Variants in TBX19 observed in about 807,000 individuals in gnomAD.
TBX19 encodes the protein T-box transcription factor 19, also known as T-box transcription factor TBX19.
Under a neutral mutation model 40.9 loss-of-function variants are expected in TBX19, and 33 were observed. The ratio of observed to expected loss-of-function variants is 0.81; its 90% CI spans 0.61 to 1.08. The LOEUF (loss-of-function observed/expected upper bound fraction) is 1.08. TBX19 is among the 50% of genes least tolerant of loss of function. TBX19 has a pLI of 0.00. For missense variants in TBX19, 494 were observed against 574.0 expected, an observed-to-expected ratio of 0.86 and a Z score of 1.42; for synonymous variants, 220 against 225.0, an observed-to-expected ratio of 0.98 and a Z score of 0.20.
Position 168,298,127 on chromosome 1 carries a change from C to T in TBX19, c.665+342C>T, listed in dbSNP as rs942482705. On this transcript the variant is annotated intron_variant, in intron 4 of 7. Transcript: ENST00000367821. Reference sequence around the variant, plus strand: ...AGGAGAATGGCGTGAACCCGGGAGGCGGAGCTTGCAGTGAGCCGAGATGGC... The same window carrying T: ...AGGAGAATGGCGTGAACCCGGGAGGTGGAGCTTGCAGTGAGCCGAGATGGC... Among the ~76,000 whole-genome samples, 5 of 152,204 alleles carry T rather than the reference C, an allele frequency of 3.3e-5. No homozygotes were observed. In the East Asian group the frequency reaches 7.7e-4, roughly 24 times the overall value.
intron 6 of TBX19, 98 bp from the exon 7 acceptor site, chr1:168,308,644 C>T: frequency 6.7e-7 from 1 of 1,487,300 alleles, no homozygotes; most frequent in Non-Finnish European, 9.4e-7. Flanking sequence ...GCCTGTAGTG[C>T]AAGCCATGGT....
intron 1 of TBX19, among the ~76,000 whole-genome samples, chr1:168,285,458 A>T (rs1648781777): frequency 6.6e-6 from 1 of 152,228 alleles, no homozygotes; most frequent in Non-Finnish European, 1.5e-5. Context: ...TTCTTCTTGC[A>T]AACCTCACTT....
chr1:168,288,229 A>G (rs1221904334), intron 1 of TBX19, among the ~76,000 whole-genome samples: 1 of 152,242 alleles, frequency 6.6e-6, no homozygotes, highest in Non-Finnish European at 1.5e-5. Flanking sequence ...TGGATTATTT[A>G]CAATACGTAA....
At chr1:168,289,361 T>C (rs954425173) in intron 1 of TBX19, among the ~76,000 whole-genome samples, 2 of 152,202 alleles carry the variant, frequency 1.3e-5, no homozygotes, top group African/African-American at 4.8e-5. Context: ...ATAATCCTTC[T>C]ATTGAAGAAA....
chr1:168,308,972 G>T (rs1649466747), intron 7 of TBX19, 95 bp downstream of exon 7: 4 of 1,561,496 alleles, frequency 2.6e-6, no homozygotes, highest in Admixed American at 3.4e-5. Flanking sequence ...GGGTGGCTTG[G>T]TCTAACCTAT....
In TBX19 at chr1:168,286,421, T is replaced by G. The variant is rs1648806353; in HGVS notation, c.204-4739T>G. Reference sequence around the variant, plus strand: ...TCCTCTGGCAACCACTAATCTACTTTCTGTTTCTATAGAGTTACCTATTTC... The same window carrying G: ...TCCTCTGGCAACCACTAATCTACTTGCTGTTTCTATAGAGTTACCTATTTC... On this transcript the variant is annotated intron_variant, in intron 1 of 7. Transcript: ENST00000367821. Among the ~76,000 whole-genome samples, 4 of 152,248 alleles carry G rather than the reference T, an allele frequency of 2.6e-5. No individual in the cohort carries two copies. In the South Asian group the frequency reaches 8.3e-4, roughly 31 times the overall value.
chr1:168,288,789 C>A (rs1023492444), intron 1 of TBX19, among the ~76,000 whole-genome samples: 2 of 150,860 alleles, frequency 1.3e-5, no homozygotes, highest in African/African-American at 2.4e-5. Flanking sequence ...GAGACACAGT[C>A]TCACTCTATC....
In TBX19 at chr1:168,293,057, G is replaced by C. The variant is rs577059896; in HGVS notation, c.469-87G>C. On this transcript the variant is annotated intron_variant, in intron 2 of 7. Transcript: ENST00000367821. ...CCCTAACCGGGGTGGTGCTAAGCTT[G>C]GGACCAACTGGAGATGCTGGCTCCT... 939 of 1,594,432 alleles carry C rather than the reference G, an allele frequency of 5.9e-4. 14 individuals carry two copies. In the South Asian group the frequency reaches 9.9e-3, roughly 17 times the overall value.
At chr1:168,286,285 G>C (rs1327686831) in intron 1 of TBX19, among the ~76,000 whole-genome samples, 1 of 152,210 alleles carries the variant, frequency 6.6e-6, no homozygotes, top group Non-Finnish European at 1.5e-5. Context: ...CATTTGAAGT[G>C]TATAGTTCAG....
intron 2 of TBX19, among the ~76,000 whole-genome samples, chr1:168,292,810 G>A (rs1233274806): frequency 2.7e-5 from 4 of 148,200 alleles, no homozygotes; most frequent in Non-Finnish European, 5.9e-5. Flanking sequence ...CTTGCAGTGA[G>A]CTGAGATAGC....
At chr1:168,304,956 G>T in intron 5 of TBX19, 52 bp from the exon 6 acceptor site, 22 of 1,573,886 alleles carry the variant, frequency 1.4e-5, no homozygotes, top group Non-Finnish European at 1.8e-5. Flanking sequence ...CCTGATTTTT[G>T]GTGTGGGAGT....
chr1:168,298,121 G>A (rs749565539), intron 4 of TBX19, among the ~76,000 whole-genome samples: 5 of 152,250 alleles, frequency 3.3e-5, no homozygotes, highest in Admixed American at 6.5e-5. Context: ...GCGTGAACCC[G>A]GGAGGCGGAG....
In TBX19 at chr1:168,308,884, C is replaced by T. The variant is rs1195261700; in HGVS notation, c.1052+7C>T. 2 of 1,613,996 alleles carry T rather than the reference C, an allele frequency of 1.2e-6. No homozygotes were observed. The highest frequency in any genetic ancestry group is 1.7e-6 in the Non-Finnish European group (2 of 1,180,028). ...CAATCAATCCAGGGCCCAGGTAAGACCAACACCATCAACTCGCTCATTGGT... is the reference window on the plus strand; with the variant it reads ...CAATCAATCCAGGGCCCAGGTAAGATCAACACCATCAACTCGCTCATTGGT... On this transcript the variant is annotated splice_region_variant and intron_variant, in intron 7 of 7. Coordinates refer to ENST00000367821, the MANE Select transcript of TBX19 (RefSeq NM_005149.3).
In TBX19 at chr1:168,312,948, C is replaced by A. The variant is rs1229777245; in HGVS notation, c.1293C>A (p.Gly431=). The change falls in exon 8 of 8, where the codon GGC becomes GGA. Residue 431 remains glycine (G), a synonymous_variant. Coordinates refer to ENST00000367821, the MANE Select transcript of TBX19 (RefSeq NM_005149.3). The part of the protein sequence containing the change: ...WTAVASHPFA[G]WGGPGAGGHH... The stretch of plus-strand genomic sequence containing the variant: ...CAGTGGCCTCGCATCCCTTCGCGGG[C>A]TGGGGTGGCCCAGGAGCGGGTGGGC... 1 of 1,614,230 alleles carries A rather than the reference C, an allele frequency of 6.2e-7. No homozygotes were observed. Among genetic ancestry groups the A allele is most frequent in the Non-Finnish European group, 8.5e-7 (1 of 1,180,038 alleles).
At chr1:168,300,625 A>G (rs1649255135) in intron 5 of TBX19, 142 bp downstream of exon 5, 2 of 804,750 alleles carry the variant, frequency 2.5e-6, no homozygotes, top group Non-Finnish European at 4.1e-6. Flanking sequence ...TATTAAGGAC[A>G]AATTTGTGCC....
At chr1:168,293,368 TC>T in intron 3 of TBX19, 90 bp downstream of exon 3, 1 of 1,426,562 alleles carries the variant, frequency 7.0e-7, no homozygotes, top group Non-Finnish European at 9.4e-7. Flanking sequence ...GCGGGGGGGG[TC>T]CTTTTAGATG....
chr1:168,297,834 A>G (rs1025363737), intron 4 of TBX19, 49 bp downstream of exon 4: 8 of 1,455,130 alleles, frequency 5.5e-6, no homozygotes, highest in Middle Eastern at 3.5e-4. Context: ...ATTTATGCAA[A>G]TACAAATGTG....
chr1:168,305,058 T>G lies in TBX19; in HGVS notation c.778T>G (p.Ser260Ala), dbSNP rs565159549. Residue 260 changes from serine (S) to alanine (A), a missense_variant, in exon 6 of 8, where the codon TCC (serine) becomes GCC (alanine). This residue lies in a region of TBX19 where 284 missense variants were observed against 307.3 expected (regional missense o/e 0.92). Coordinates refer to ENST00000367821, the MANE Select transcript of TBX19 (RefSeq NM_005149.3). ...NPDGVCTAGN[S>A]NYQYAAPLPL... ...AGATGGAGTGTGCACAGCAGGAAAC[T>G]CCAATTACCAGTATGCCGCTCCTCT... 6 of 1,614,146 alleles carry G rather than the reference T, an allele frequency of 3.7e-6. No homozygotes were observed. In the African/African-American group the frequency reaches 8.0e-5, roughly 22 times the overall value.
chr1:168,293,362 G>C lies in TBX19; in HGVS notation c.603+84G>C, dbSNP rs1363965883. The C allele has an allele frequency of 8.7e-6, 13 of 1,490,766 alleles. No homozygotes were observed. The South Asian group carries it at 1.5e-4, about 17-fold the overall frequency. 92.3% of individuals were successfully genotyped at this position (1,490,766 alleles called of 1,614,324 possible). A position where few individuals can be genotyped will look rare whatever the true frequency, so the allele number is the denominator to read the frequency against. ...TGGGAGATCATGGCAGGATGGGCGG[G>C]GGGGGTCCTTTTAGATGAAAGGTAG... On this transcript the variant is annotated intron_variant, in intron 3 of 7. Coordinates refer to ENST00000367821, the MANE Select transcript of TBX19 (RefSeq NM_005149.3).
Sources: allele counts gnomAD v4.1 joint callset (sites outside exome capture counted in the v4.1 genomes callset), GRCh38; gene constraint gnomAD v4.1.1; regional missense constraint gnomAD v4.1.1; transcripts MANE v1.5; gene names NCBI Gene and HGNC (gene_info 2026-07-23, HGNC 2026-07-21).